Variants in CDH18 observed in about 807,000 individuals in gnomAD.
The protein encoded by CDH18 is cadherin 18, also known as cadherin-18.
In CDH18, 31 loss-of-function variants were observed where a neutral mutation model predicts 67.9. The ratio of observed to expected loss-of-function variants is 0.46; its 90% CI spans 0.34 to 0.62. The LOEUF is 0.62. Among genes scored for constraint, CDH18 ranks in the 20% least tolerant of loss-of-function variants. The pLI, the probability that CDH18 is intolerant of heterozygous loss-of-function variation, is 0.01. For missense variants in CDH18, 890 were observed against 975.5 expected, an observed-to-expected ratio of 0.91 and a Z score of 1.17; for synonymous variants, 362 against 347.2, an observed-to-expected ratio of 1.04 and a Z score of -0.48.
intron 1 of CDH18, among the ~76,000 whole-genome samples, chr5:20,294,866 T>G (rs779799701): frequency 1.3e-5 from 2 of 152,186 alleles, no homozygotes; most frequent in Non-Finnish European, 2.9e-5. Context: ...CATATATATT[T>G]TCATTGTTCA....
chr5:19,577,901 G>A (rs1016493571), intron 7 of CDH18, among the ~76,000 whole-genome samples: 2 of 152,134 alleles, frequency 1.3e-5, no homozygotes, highest in Admixed American at 1.3e-4. Flanking sequence ...TTAATGACAA[G>A]GGTCCTTATA....
chr5:19,690,607 C>A (rs1019009104), intron 5 of CDH18, among the ~76,000 whole-genome samples: 2 of 151,380 alleles, frequency 1.3e-5, no homozygotes, highest in Non-Finnish European at 3.0e-5. Flanking sequence ...TACATTACAA[C>A]CGATACCACA....
chr5:19,748,132 A>AAAAAAAAAG (rs1561215815), intron 3 of CDH18, among the ~76,000 whole-genome samples: 1 of 144,332 alleles, frequency 6.9e-6, no homozygotes, highest in African/African-American at 2.5e-5. Flanking sequence ...AAAAAAAAAA[A>AAAAAAAAAG]AGAGTACTTT....
intron 10 of CDH18, among the ~76,000 whole-genome samples, chr5:19,506,651 G>C (rs1485130283): frequency 6.6e-6 from 1 of 152,136 alleles, no homozygotes; most frequent in Non-Finnish European, 1.5e-5. Context: ...ACAAGAAATG[G>C]GGAAAGGAAT....
At chr5:19,770,356 G>C (rs2149736576) in intron 3 of CDH18, among the ~76,000 whole-genome samples, 1 of 151,920 alleles carries the variant, frequency 6.6e-6, no homozygotes. Context: ...CTTGATTTCA[G>C]GTCTCACAAG....
chr5:20,073,096 C>A (rs780640376), intron 2 of CDH18, among the ~76,000 whole-genome samples: 1 of 151,930 alleles, frequency 6.6e-6, no homozygotes, highest in Non-Finnish European at 1.5e-5. Context: ...CAGTAGTTGT[C>A]AACTTCAGAA....
chr5:20,084,771 T>A (rs1049010376), intron 2 of CDH18, among the ~76,000 whole-genome samples: 3 of 152,210 alleles, frequency 2.0e-5, no homozygotes, highest in African/African-American at 7.2e-5. Context: ...TCTGAAGCCA[T>A]GGCCCAAGCT....
intron 1 of CDH18, among the ~76,000 whole-genome samples, chr5:20,466,593 T>G (rs889264971): frequency 3.3e-5 from 5 of 152,108 alleles, no homozygotes; most frequent in African/African-American, 4.8e-5. Flanking sequence ...TTTGTATGAG[T>G]CACAGCCACC....
At chr5:19,760,918 T>C (rs181215799) in intron 3 of CDH18, among the ~76,000 whole-genome samples, 20 of 152,272 alleles carry the variant, frequency 1.3e-4, no homozygotes, top group African/African-American at 4.8e-4. Flanking sequence ...GACAGCAGCA[T>C]GGGTTGGGGA....
At chr5:19,956,021 G>A (rs999565755) in intron 2 of CDH18, among the ~76,000 whole-genome samples, 6 of 151,990 alleles carry the variant, frequency 3.9e-5, no homozygotes, top group Non-Finnish European at 7.4e-5. Context: ...TATGGAATAA[G>A]GGGCTACCTT....
At chr5:20,537,061 C>G (rs1344421201) in intron 1 of CDH18, among the ~76,000 whole-genome samples, 1 of 152,102 alleles carries the variant, frequency 6.6e-6, no homozygotes, top group Non-Finnish European at 1.5e-5. Flanking sequence ...GTGTCAGAAC[C>G]TGTTGGGCAA....
chr5:19,770,112 G>T (rs1773563283), intron 3 of CDH18, among the ~76,000 whole-genome samples: 1 of 151,970 alleles, frequency 6.6e-6, no homozygotes, highest in Non-Finnish European at 1.5e-5. Flanking sequence ...ATTATATATT[G>T]CAGATAGATT....
In CDH18 at chr5:20,521,382, A is replaced by G. The variant is rs78884063; in HGVS notation, c.-580+54080T>C. 4.3e-4 allele frequency among the ~76,000 whole-genome samples: 66 copies of G among 152,302 alleles called. No homozygotes were observed. The East Asian group carries it at 0.011, about 26-fold the overall frequency. ...CACAAAGTGTTTCAGAAGAAGAATGATCCAATGAATAAGTATTTTTTGTTG... is the reference window on the plus strand; with the variant it reads ...CACAAAGTGTTTCAGAAGAAGAATGGTCCAATGAATAAGTATTTTTTGTTG... On this transcript the variant is annotated intron_variant, in intron 1 of 14. Transcript: ENST00000507958.
At chr5:20,552,605 T>C (rs62354281) in intron 1 of CDH18, among the ~76,000 whole-genome samples, 2,608 of 152,278 alleles carry the variant, frequency 0.017, 36 homozygotes, top group African/African-American at 0.029. Context: ...GGGTTTCAAA[T>C]ACTTCAAAAA....
intron 1 of CDH18, among the ~76,000 whole-genome samples, chr5:20,298,735 G>T (rs895840417): frequency 1.3e-5 from 2 of 151,906 alleles, no homozygotes; most frequent in African/African-American, 4.8e-5. Context: ...CTAAACTCTG[G>T]CAAGAAACAA....
At chr5:19,678,300 T>C (rs932140269) in intron 5 of CDH18, among the ~76,000 whole-genome samples, 2 of 146,342 alleles carry the variant, frequency 1.4e-5, no homozygotes, top group Non-Finnish European at 3.0e-5. Context: ...AACAGTGCAA[T>C]AGAAGTATAA....
rs75603257 is a variant in CDH18, at chr5:20,007,134, A to T, written c.-517-15120T>A. On this transcript the variant is annotated intron_variant, in intron 2 of 14. Coordinates refer to the CDH18 transcript ENST00000507958. ...ATCAAATACGCTTTGAATATAATTTAAAAAATATAGATTATATATAAGTAA... is the reference window on the plus strand; with the variant it reads ...ATCAAATACGCTTTGAATATAATTTTAAAAATATAGATTATATATAAGTAA... 0.018 allele frequency among the ~76,000 whole-genome samples: 2,682 copies of T among 152,034 alleles called. 172 individuals are homozygous for T. In the East Asian group the frequency reaches 0.25, roughly 14 times the overall value.
chr5:20,470,863 G>C (rs1040493328), intron 1 of CDH18, among the ~76,000 whole-genome samples: 7 of 152,146 alleles, frequency 4.6e-5, no homozygotes, highest in African/African-American at 1.7e-4. Context: ...TCCTGCTCAA[G>C]AACATCACTC....
chr5:19,501,419 A>C (rs1272205233), intron 11 of CDH18, among the ~76,000 whole-genome samples: 1 of 150,460 alleles, frequency 6.6e-6, no homozygotes, highest in East Asian at 2.0e-4. Context: ...CCTGGCCAAC[A>C]TGGTGAAACC....
Sources: allele counts gnomAD v4.1 joint callset (sites outside exome capture counted in the v4.1 genomes callset), GRCh38; gene constraint gnomAD v4.1.1; transcripts MANE v1.5; gene names NCBI Gene and HGNC (gene_info 2026-07-23, HGNC 2026-07-21).